The following OR2L2 variants were observed in gnomAD, a reference collection of about 807,000 sequenced individuals.
OR2L2 encodes the protein olfactory receptor 2L2.
For missense variants in OR2L2, 378 were observed against 375.2 expected (o/e 1.01, Z -0.06); for synonymous variants, 156 against 135.4 (o/e 1.15, Z -1.06).
chr1:248,039,279 A>G lies in OR2L2; in HGVS notation c.*73A>G, dbSNP rs562084266. 7.3e-7 allele frequency: 1 copy of G among 1,360,812 alleles called. No individual in the cohort carries two copies. The highest frequency in any genetic ancestry group is 1.0e-6 in the Non-Finnish European group (1 of 995,918). 84.3% of individuals were successfully genotyped at this position (1,360,812 alleles called of 1,614,324 possible). On this transcript the variant is annotated 3_prime_UTR_variant, in exon 3 of 3. Transcript: ENST00000641771. Reference sequence around the variant, plus strand: ...GTAGTGTACAGCAGTGAAGAAAAACATTATTACATGCCCAGTGTGTCAAAC... The same window carrying G: ...GTAGTGTACAGCAGTGAAGAAAAACGTTATTACATGCCCAGTGTGTCAAAC...
intron 1 of OR2L2, among the ~76,000 whole-genome samples, chr1:248,032,407 C>A (rs925794213): frequency 6.6e-6 from 1 of 151,942 alleles, no homozygotes; most frequent in African/African-American, 2.4e-5. Flanking sequence ...AGGTCTGTGG[C>A]ACTAAGTATA....
chr1:248,033,318 C>T (rs1375314994), intron 1 of OR2L2, among the ~76,000 whole-genome samples: 2 of 152,118 alleles, frequency 1.3e-5, no homozygotes, highest in Non-Finnish European at 2.9e-5. Flanking sequence ...TTTTCAAACA[C>T]CGTTTGTTGA....
In OR2L2 at chr1:248,039,395, TTTTG is replaced by T. The variant is rs944702389; in HGVS notation, c.*195_*198del. On this transcript the variant is annotated 3_prime_UTR_variant, in exon 3 of 3. Transcript: ENST00000641771. Reference sequence around the variant, plus strand: ...ACATATTCTAAGACATCTATTTTGATTTTGTTTGTGTGTGGTTTTTGTTTGTTTG... The same window carrying T: ...ACATATTCTAAGACATCTATTTTGATTTTGTGTGTGGTTTTTGTTTGTTTG... 15 of 419,312 alleles carry T rather than the reference TTTTG, an allele frequency of 3.6e-5. No homozygotes were observed. The highest frequency in any genetic ancestry group is 5.3e-5 in the South Asian group (1 of 18,792). The allele number at this position is 419,312 out of a possible 1,614,324, so 26.0% of individuals were successfully genotyped here. A position where few individuals can be genotyped will look rare whatever the true frequency, so the allele number is the denominator to read the frequency against.
At position 248,039,023 on chromosome 1, in the gene OR2L2, AC is replaced by A; in HGVS notation, c.759del (p.Phe254LeufsTer38). The A allele has an allele frequency of 1.2e-6, 2 of 1,614,010 alleles. No individual in the cohort carries two copies. Among genetic ancestry groups the A allele is most frequent in the Non-Finnish European group, 1.7e-6 (2 of 1,179,990 alleles). ...HLTVVSFYYA[P>X]FAYTYVRPRS... ...TCACTGTAGTGTCCTTCTACTATGC[AC>A]CCTTTGCTTATACCTATGTACGTCC... On this transcript the variant is annotated frameshift_variant, in exon 3 of 3. Coordinates refer to ENST00000641771, the MANE Select transcript of OR2L2 (RefSeq NM_001385855.1). LOFTEE classifies it low-confidence loss of function (END_TRUNC).
At chr1:248,034,140 C>T (rs919750216) in intron 1 of OR2L2, among the ~76,000 whole-genome samples, 9 of 152,168 alleles carry the variant, frequency 5.9e-5, no homozygotes, top group African/African-American at 2.2e-4. Context: ...CTACAAAACA[C>T]TGCTGAAAGA....
rs1382081327 is a variant in OR2L2, at chr1:248,041,602, C to T, written c.*2396C>T. On this transcript the variant is annotated 3_prime_UTR_variant, in exon 3 of 3. Transcript: ENST00000641771. Reference sequence around the variant, plus strand: ...ACAGAATGGGAGAAAATTTTTGCAACCTACTCATCTGACAAAGGGCTAATA... The same window carrying T: ...ACAGAATGGGAGAAAATTTTTGCAATCTACTCATCTGACAAAGGGCTAATA... 1 of 151,968 alleles carries T rather than the reference C, an allele frequency of 6.6e-6. No individual in the cohort carries two copies. The highest frequency in any genetic ancestry group is 1.5e-5 in the Non-Finnish European group (1 of 67,968). The allele number at this position is 151,968 out of a possible 1,614,324, so 9.4% of individuals were successfully genotyped here.
intron 1 of OR2L2, among the ~76,000 whole-genome samples, chr1:248,034,841 G>A (rs1449914139): frequency 6.6e-6 from 1 of 152,182 alleles, no homozygotes; most frequent in Non-Finnish European, 1.5e-5. Context: ...GACACTTTCT[G>A]TGAGTCACAG....
At position 248,041,885 on chromosome 1, in the gene OR2L2, A is replaced by G. The variant is rs547971812; in HGVS notation, c.*2679A>G. On this transcript the variant is annotated 3_prime_UTR_variant, in exon 3 of 3. Coordinates refer to ENST00000641771, the MANE Select transcript of OR2L2 (RefSeq NM_001385855.1). ...ACAGGTGCTGGAGAGGATGTGGAGAAAACACTTTTACACTGTTGTTGGGAC... is the reference window on the plus strand; with the variant it reads ...ACAGGTGCTGGAGAGGATGTGGAGAGAACACTTTTACACTGTTGTTGGGAC... 1 of 151,516 alleles carries G rather than the reference A, an allele frequency of 6.6e-6. No homozygotes were observed. The highest frequency in any genetic ancestry group is 6.6e-5 in the Admixed American group (1 of 15,206). 9.4% of individuals were successfully genotyped at this position (151,516 alleles called of 1,614,324 possible). A position where few individuals can be genotyped will look rare whatever the true frequency, so the allele number is the denominator to read the frequency against.
At position 248,038,730 on chromosome 1, in the gene OR2L2, T is replaced by G. The variant is rs1165397024; in HGVS notation, c.463T>G (p.Ser155Ala). 6.2e-7 allele frequency: 1 copy of G among 1,614,204 alleles called. No individual in the cohort carries two copies. The highest frequency in any genetic ancestry group is 8.5e-7 in the Non-Finnish European group (1 of 1,180,026). ...ATCTTGGATGATAAGCTCTATCAAC[T>G]CTTGTGCTCACACAGTATATGCACT... ...TGSWMISSIN[S>A]CAHTVYALCI... is the part of the protein sequence containing the mutation. The change falls in exon 3 of 3, where the codon TCT becomes GCT. Residue 155 changes from serine to alanine, a missense_variant. Physicochemically the swap from Ser to Ala is moderately conservative, Grantham distance 99 (BLOSUM62 1). Coordinates refer to ENST00000641771, the MANE Select transcript of OR2L2 (RefSeq NM_001385855.1).
rs530411119 is a variant in OR2L2 at position 248,039,037 on chromosome 1, C to T, written c.770C>T (p.Thr257Ile). The stretch of plus-strand genomic sequence containing the variant: ...TTCTACTATGCACCCTTTGCTTATA[C>T]CTATGTACGTCCAAGATCCCTGCGA... ...VSFYYAPFAY[T>I]YVRPRSLRSP... Residue 257 changes from threonine to isoleucine, a missense_variant, in exon 3 of 3, where the codon ACC (threonine) becomes ATC (isoleucine). By Grantham distance (89) the Thr-to-Ile change is moderately conservative. Coordinates refer to ENST00000641771, the MANE Select transcript of OR2L2 (RefSeq NM_001385855.1). 1 of 1,614,072 alleles carries T rather than the reference C, an allele frequency of 6.2e-7. No homozygotes were observed. The highest frequency in any genetic ancestry group is 1.3e-5 in the African/African-American group (1 of 75,022).
intron 2 of OR2L2, among the ~76,000 whole-genome samples, chr1:248,037,422 A>G (rs949225744): frequency 6.6e-6 from 1 of 152,140 alleles, no homozygotes; most frequent in African/African-American, 2.4e-5. Flanking sequence ...TTACCTTCCC[A>G]TGCGTATGTT....
In OR2L2 at chr1:248,037,954, C is replaced by A. The variant is rs1242834075; in HGVS notation, c.-21-293C>A. On this transcript the variant is annotated intron_variant, in intron 2 of 2. Coordinates refer to ENST00000641771, the MANE Select transcript of OR2L2 (RefSeq NM_001385855.1). ...ATTTTGTCATCACAAGAAAAATGAG[C>A]ACTTTTTCAATATGATGGTTTGAAA... 1.1e-4 allele frequency among the ~76,000 whole-genome samples: 16 copies of A among 152,250 alleles called. No individual in the cohort carries two copies. The East Asian group carries it at 2.3e-3, about 22-fold the overall frequency.
At chr1:248,034,132 A>G (rs966284006) in intron 1 of OR2L2, among the ~76,000 whole-genome samples, 7 of 152,244 alleles carry the variant, frequency 4.6e-5, no homozygotes, top group African/African-American at 1.4e-4. Flanking sequence ...AAGGAAAACT[A>G]CAAAACACTG....
chr1:248,033,037 A>G (rs920865753), intron 1 of OR2L2, among the ~76,000 whole-genome samples: 2 of 152,194 alleles, frequency 1.3e-5, no homozygotes, highest in Non-Finnish European at 2.9e-5. Context: ...TTTGACTTAC[A>G]ATATTTTAAC....
At chr1:248,035,165 T>C (rs1662722907) in intron 1 of OR2L2, among the ~76,000 whole-genome samples, 1 of 151,912 alleles carries the variant, frequency 6.6e-6, no homozygotes, top group South Asian at 2.1e-4. Flanking sequence ...AAAGTGTCAC[T>C]CTTGGCCAGG....
intron 1 of OR2L2, among the ~76,000 whole-genome samples, chr1:248,034,586 T>TA (rs1210040620): frequency 6.6e-6 from 1 of 152,230 alleles, no homozygotes; most frequent in East Asian, 1.9e-4. Context: ...TTAACAGTGT[T>TA]AAGCCTTCCA....
chr1:248,038,734 G>C lies in OR2L2; in HGVS notation c.467G>C (p.Cys156Ser). 6.2e-7 allele frequency: 1 copy of C among 1,614,084 alleles called. No individual in the cohort carries two copies. Among genetic ancestry groups the C allele is most frequent in the South Asian group, 1.1e-5 (1 of 91,082 alleles). ...TGGATGATAAGCTCTATCAACTCTT[G>C]TGCTCACACAGTATATGCACTCTGT... Reference protein sequence around the residue: ...GSWMISSINSCAHTVYALCIP... With the variant: ...GSWMISSINSSAHTVYALCIP... The change falls in exon 3 of 3, where the codon TGT becomes TCT. Residue 156 changes from cysteine to serine, a missense_variant. Transcript: ENST00000641771.
rs1220246637 is a variant in OR2L2 at position 248,040,001 on chromosome 1, G to A, written c.*795G>A. ...CTTAGACTATAGTTGACTTAGTGGA[G>A]TGTGGAGTAGGTTATTTGAATCATT... On this transcript the variant is annotated 3_prime_UTR_variant, in exon 3 of 3. Transcript: ENST00000641771. 1.3e-5 allele frequency: 2 copies of A among 152,284 alleles called. No individual in the cohort carries two copies. The highest frequency in any genetic ancestry group is 3.9e-4 in the East Asian group (2 of 5,180). The allele number at this position is 152,284 out of a possible 1,614,324, so 9.4% of individuals were successfully genotyped here. A position where few individuals can be genotyped will look rare whatever the true frequency, so the allele number is the denominator to read the frequency against.
At position 248,040,958 on chromosome 1, in the gene OR2L2, T is replaced by A. The variant is rs1157702904; in HGVS notation, c.*1752T>A. 6.6e-6 allele frequency: 1 copy of A among 152,224 alleles called. No individual in the cohort carries two copies. The highest frequency in any genetic ancestry group is 2.4e-5 in the African/African-American group (1 of 41,454). 9.4% of individuals were successfully genotyped at this position (152,224 alleles called of 1,614,324 possible). On this transcript the variant is annotated 3_prime_UTR_variant, in exon 3 of 3. Transcript: ENST00000641771. ...ATTTAGAGTTTACTAGAGTACTGAA[T>A]AATTTAAATTTTGACTTATAGAATG...
Sources: allele counts gnomAD v4.1 joint callset (sites outside exome capture counted in the v4.1 genomes callset), GRCh38; gene constraint gnomAD v4.1.1; transcripts MANE v1.5; gene names NCBI Gene and HGNC (gene_info 2026-07-23, HGNC 2026-07-21).